RBFOX1: variants seen among roughly 807,000 people sequenced by gnomAD.
RBFOX1 encodes RNA binding fox-1 homolog 1.
A neutral mutation model predicts 57.7 loss-of-function variants in RBFOX1; 8 were observed. That is an observed-to-expected ratio of 0.14 (90% confidence interval 0.08 to 0.25). The LOEUF (loss-of-function observed/expected upper bound fraction) is 0.25. Ranked by LOEUF, RBFOX1 falls within the 10% of genes least tolerant of loss-of-function variation. RBFOX1 has a pLI of 1.00. For synonymous variants in RBFOX1, 326 were observed against 222.4 expected (o/e 1.47, Z -4.15); for missense variants, 611 against 548.5 (o/e 1.11, Z -1.14).
chr16:6,021,907 C>T (rs994160128), intron 1 of RBFOX1, among the ~76,000 whole-genome samples: 4 of 152,200 alleles, frequency 2.6e-5, no homozygotes, highest in African/African-American at 9.6e-5. Context: ...TGCCTGAATT[C>T]TATGAGTTTT....
At chr16:7,624,649 A>C (rs1056145203) in intron 10 of RBFOX1, among the ~76,000 whole-genome samples, 1 of 152,194 alleles carries the variant, frequency 6.6e-6, no homozygotes, top group Admixed American at 6.5e-5. Context: ...AGGCAGAGGG[A>C]CTAATAAGCA....
intron 4 of RBFOX1, among the ~76,000 whole-genome samples, chr16:7,250,165 C>T (rs1042512847): frequency 6.6e-6 from 1 of 151,954 alleles, no homozygotes; most frequent in African/African-American, 2.4e-5. Flanking sequence ...AGAGAAGTAT[C>T]TTTATGTTTT....
intron 1 of RBFOX1, among the ~76,000 whole-genome samples, chr16:5,419,657 C>T (rs565595877): frequency 4.6e-5 from 7 of 152,116 alleles, no homozygotes; most frequent in East Asian, 3.9e-4. Flanking sequence ...GCTGTGAATG[C>T]GGTGAGACAT....
At chr16:7,187,787 T>C (rs528225273) in intron 4 of RBFOX1, among the ~76,000 whole-genome samples, 1 of 151,080 alleles carries the variant, frequency 6.6e-6, no homozygotes, top group Non-Finnish European at 1.5e-5. Context: ...TAAAATAATA[T>C]TCATCAGCAT....
chr16:5,270,820 T>A, intron 1 of RBFOX1: 1 of 440,892 alleles, frequency 2.3e-6, no homozygotes, highest in East Asian at 5.8e-5. Context: ...GTAAAAATGC[T>A]GGAGAACCCT....
chr16:7,194,241 T>C (rs975120168), intron 4 of RBFOX1, among the ~76,000 whole-genome samples: 2 of 152,244 alleles, frequency 1.3e-5, no homozygotes, highest in African/African-American at 2.4e-5. Context: ...GTAATGGTTG[T>C]TAGATTTTAA....
intron 3 of RBFOX1, among the ~76,000 whole-genome samples, chr16:6,722,248 G>GT (rs1363358024): frequency 6.6e-6 from 1 of 152,176 alleles, no homozygotes; most frequent in Admixed American, 6.5e-5. Flanking sequence ...AGGCTAAACC[G>GT]TTTTGCATTT....
chr16:6,600,948 G>C (rs994713817), intron 2 of RBFOX1, among the ~76,000 whole-genome samples: 3 of 151,758 alleles, frequency 2.0e-5, no homozygotes, highest in Non-Finnish European at 2.9e-5. Flanking sequence ...AGTCAGAAAA[G>C]TGTGAGAAAA....
chr16:5,257,612 C>T (rs552247965), intron 1 of RBFOX1, among the ~76,000 whole-genome samples: 106 of 152,318 alleles, frequency 7.0e-4, no homozygotes, highest in African/African-American at 2.4e-3. Context: ...TTGGACACTT[C>T]TGGAGGCGCA....
intron 1 of RBFOX1, among the ~76,000 whole-genome samples, chr16:6,028,585 G>T (rs555742357): frequency 2.0e-5 from 3 of 151,918 alleles, no homozygotes; most frequent in East Asian, 3.9e-4. Context: ...TCAGGAGGCT[G>T]GGACAGGATT....
At chr16:7,616,410 C>T (rs1471268372) in intron 10 of RBFOX1, among the ~76,000 whole-genome samples, 6 of 152,220 alleles carry the variant, frequency 3.9e-5, no homozygotes, top group African/African-American at 1.4e-4. Context: ...TGGTTACTCA[C>T]ATAGGCAAGC....
At chr16:7,594,542 C>T (rs1205067400) in intron 7 of RBFOX1, among the ~76,000 whole-genome samples, 1 of 152,052 alleles carries the variant, frequency 6.6e-6, no homozygotes, top group Non-Finnish European at 1.5e-5. Context: ...TCAGTGAAGA[C>T]AAAATACGGA....
intron 4 of RBFOX1, among the ~76,000 whole-genome samples, chr16:7,137,819 G>A (rs931643748): frequency 6.6e-6 from 1 of 152,188 alleles, no homozygotes; most frequent in Non-Finnish European, 1.5e-5. Flanking sequence ...TAGTTCATCT[G>A]CAAATGTATG....
At chr16:7,667,708 A>T (rs8051900) in intron 13 of RBFOX1, among the ~76,000 whole-genome samples, 152,245 of 152,246 alleles carry the variant, frequency 1, 76,122 homozygotes, top group Middle Eastern at 1. Flanking sequence ...TTTGAGACAG[A>T]CTCACTGTGT....
intron 1 of RBFOX1, among the ~76,000 whole-genome samples, chr16:6,171,043 G>A (rs550292768): frequency 6.6e-6 from 1 of 152,174 alleles, no homozygotes; most frequent in Non-Finnish European, 1.5e-5. Context: ...TAGTGCTGCA[G>A]TGAACATTTG....
Position 6,748,152 on chromosome 16 carries a change from T to G in RBFOX1, c.-16+93502T>G, listed in dbSNP as rs141208883. On this transcript the variant is annotated intron_variant, in intron 3 of 15. Coordinates refer to ENST00000550418, the MANE Select transcript of RBFOX1 (RefSeq NM_018723.4). ...TTTCCTAGCGTTATTTATGGCATGATTTACTAGCATCTCGTTAGGCAATAA... is the reference window on the plus strand; with the variant it reads ...TTTCCTAGCGTTATTTATGGCATGAGTTACTAGCATCTCGTTAGGCAATAA... 1.9e-4 allele frequency among the ~76,000 whole-genome samples: 29 copies of G among 152,274 alleles called. 1 individual carries two copies. The East Asian group carries it at 5.0e-3, about 26-fold the overall frequency.
chr16:6,943,588 G>T (rs1649226122), intron 3 of RBFOX1, among the ~76,000 whole-genome samples: 1 of 151,782 alleles, frequency 6.6e-6, no homozygotes, highest in Non-Finnish European at 1.5e-5. Flanking sequence ...GGTGCCTGTA[G>T]TCCCAGCTAC....
chr16:5,689,985 T>G (rs1307040597), intron 3 of RBFOX1, among the ~76,000 whole-genome samples: 1 of 152,116 alleles, frequency 6.6e-6, no homozygotes, highest in Admixed American at 6.6e-5. Flanking sequence ...GAGTGCTGCT[T>G]GCACATGGAA....
chr16:6,834,051 A>G lies in RBFOX1; in HGVS notation c.-16+179401A>G, dbSNP rs536828641. Among the ~76,000 whole-genome samples the G allele has an allele frequency of 3.4e-4, 39 of 114,542 alleles. 1 individual carries two copies. The South Asian group carries it at 0.011, about 32-fold the overall frequency. The allele number at this position is 114,542 out of a possible 152,430, so 75.1% of individuals were successfully genotyped here. On this transcript the variant is annotated intron_variant, in intron 3 of 15. Transcript: ENST00000550418. ...TTAAAGGTTGGGGGTACCTGATCCA[A>G]TAAATATTTTTTTTTCTATTTTTAT...
Sources: gnomAD v4.1 joint callset for allele counts (sites outside exome capture counted in the v4.1 genomes callset) on GRCh38, gnomAD v4.1.1 for gene constraint, MANE v1.5 for transcripts, NCBI Gene and HGNC (gene_info 2026-07-23, HGNC 2026-07-21) for gene names.